The following STT3A variants were observed in gnomAD, a reference collection of about 807,000 sequenced individuals.
The protein encoded by STT3A is dolichyl-diphosphooligosaccharide--protein glycosyltransferase subunit STT3A.
A neutral mutation model predicts 89.2 loss-of-function variants in STT3A; 34 were observed. The observed-to-expected ratio is 0.38, with a 90% CI of 0.29 to 0.51. The LOEUF (loss-of-function observed/expected upper bound fraction) is 0.51, where lower values mean the gene tolerates loss of function less well. STT3A is among the 20% of genes least tolerant of loss of function. The probability of loss-of-function intolerance (pLI) is 0.89; values close to 1 mark genes in which losing one functional copy is unlikely to be tolerated. For synonymous variants in STT3A, 282 were observed against 310.3 expected (o/e 0.91, Z 0.96); for missense variants, 555 against 889.5 (o/e 0.62, Z 4.78).
intron 3 of STT3A, among the ~76,000 whole-genome samples, chr11:125,598,409 A>G (rs1263114502): frequency 6.6e-6 from 1 of 152,186 alleles, no homozygotes; most frequent in African/African-American, 2.4e-5. Flanking sequence ...GGTTCTTGAA[A>G]TATTATTGGT....
intron 16 of STT3A, 38 bp downstream of exon 16, chr11:125,618,599 A>C (rs1351837023): frequency 1.3e-6 from 2 of 1,562,120 alleles, no homozygotes; most frequent in African/African-American, 2.7e-5. Flanking sequence ...CAGTAGTAAT[A>C]ATAGTGATTA....
At chr11:125,592,456 G>A (rs1239035457), upstream of STT3A, 1 of 456,174 alleles carries the variant, frequency 2.2e-6, no homozygotes, top group Non-Finnish European at 4.4e-6. Flanking sequence ...CGCATTCCGA[G>A]TTACTGGGAC....
chr11:125,592,464 G>C (rs924338448), upstream of STT3A: 19 of 456,124 alleles, frequency 4.2e-5, no homozygotes, highest in Middle Eastern at 3.2e-4. Context: ...GAGTTACTGG[G>C]ACTTGGAGCA....
chr11:125,597,485 G>T (rs1200718661), intron 3 of STT3A, among the ~76,000 whole-genome samples: 3 of 151,904 alleles, frequency 2.0e-5, no homozygotes, highest in African/African-American at 7.3e-5. Context: ...CAAAAAATGT[G>T]AGAGGCATTG....
intron 11 of STT3A, among the ~76,000 whole-genome samples, chr11:125,612,217 C>G (rs960603287): frequency 6.6e-6 from 1 of 152,016 alleles, no homozygotes; most frequent in East Asian, 1.9e-4. Context: ...GATTGTAATA[C>G]TAATAACTAA....
At chr11:125,619,166 C>T (rs375299950) in intron 16 of STT3A, among the ~76,000 whole-genome samples, 37 of 152,224 alleles carry the variant, frequency 2.4e-4, no homozygotes, top group African/African-American at 8.7e-4. Context: ...TCTCCTGCCT[C>T]AGCCTCCCGA....
upstream of STT3A, chr11:125,592,341 GA>G (rs1279787761): frequency 2.2e-6 from 1 of 454,552 alleles, no homozygotes; most frequent in Non-Finnish European, 4.4e-6. Flanking sequence ...GTCCGCGTTT[GA>G]GTTTTAATTG....
intron 15 of STT3A, among the ~76,000 whole-genome samples, chr11:125,616,152 G>T (rs1940175171): frequency 6.6e-6 from 1 of 152,174 alleles, no homozygotes; most frequent in African/African-American, 2.4e-5. Context: ...ATCCATGGAG[G>T]ATTGTTTCCA....
rs1940280914 is a variant in STT3A, at chr11:125,619,390, C to G, written c.1964-621C>G. ...TTTTATATATGAGGAAATTGAGGTACAAATAGGTTATTTAACTGCCTAGTG... is the reference window on the plus strand; with the variant it reads ...TTTTATATATGAGGAAATTGAGGTAGAAATAGGTTATTTAACTGCCTAGTG... On this transcript the variant is annotated intron_variant, in intron 16 of 17. Coordinates refer to ENST00000392708, the MANE Select transcript of STT3A (RefSeq NM_152713.5). Among the ~76,000 whole-genome samples the G allele has an allele frequency of 2.0e-5, 3 of 152,032 alleles. No homozygotes were observed. The South Asian group carries it at 6.2e-4, about 32-fold the overall frequency.
At chr11:125,617,370 T>A (rs546556623) in intron 15 of STT3A, among the ~76,000 whole-genome samples, 1 of 152,350 alleles carries the variant, frequency 6.6e-6, no homozygotes, top group Non-Finnish European at 1.5e-5. Context: ...GTCACCCAGC[T>A]AGAATTGGCA....
chr11:125,616,431 G>A (rs1022649070), intron 15 of STT3A, among the ~76,000 whole-genome samples: 1 of 152,126 alleles, frequency 6.6e-6, no homozygotes, highest in African/African-American at 2.4e-5. Flanking sequence ...GAATATTTTT[G>A]ATTAGAGGTT....
At chr11:125,594,598 A>AAC in intron 1 of STT3A, among the ~76,000 whole-genome samples, 1 of 151,742 alleles carries the variant, frequency 6.6e-6, no homozygotes, top group Non-Finnish European at 1.5e-5. Context: ...AAAAAAAAAA[A>AAC]AAAAGATAGT....
upstream of STT3A, chr11:125,592,493 G>C (rs1187599369): frequency 2.2e-6 from 1 of 455,854 alleles, no homozygotes; most frequent in Admixed American, 2.4e-5. Flanking sequence ...TTTCAGCGTA[G>C]TTTCCGCTTC....
chr11:125,616,406 G>GT (rs1011351986), intron 15 of STT3A, among the ~76,000 whole-genome samples: 10 of 152,118 alleles, frequency 6.6e-5, no homozygotes, highest in South Asian at 4.1e-4. Flanking sequence ...GCAGTCATCT[G>GT]TTTTTTTGTT....
intron 5 of STT3A, 78 bp downstream of exon 5, chr11:125,603,026 C>A: frequency 6.5e-7 from 1 of 1,549,322 alleles, no homozygotes; most frequent in Non-Finnish European, 8.8e-7. Context: ...GGGTGGGGGA[C>A]AGAGCCTTAG....
intron 8 of STT3A, 51 bp from the exon 9 acceptor site, chr11:125,608,058 C>A: frequency 6.6e-7 from 1 of 1,525,008 alleles, no homozygotes; most frequent in South Asian, 1.3e-5. Flanking sequence ...CTGCACTGGA[C>A]TTACTCATTT....
chr11:125,596,960 G>C, intron 2 of STT3A, 99 bp from the exon 3 acceptor site: 1 of 1,256,524 alleles, frequency 8.0e-7, no homozygotes, highest in Non-Finnish European at 1.2e-6. Context: ...TATTTTCTGT[G>C]ACCTCTCTAC....
chr11:125,605,286 G>T (rs1591374375), intron 6 of STT3A, among the ~76,000 whole-genome samples: 1 of 152,110 alleles, frequency 6.6e-6, no homozygotes, highest in African/African-American at 2.4e-5. Flanking sequence ...ATAGAGGCAG[G>T]ATGATGAATG....
intron 16 of STT3A, among the ~76,000 whole-genome samples, chr11:125,619,777 G>T (rs1195561472): frequency 6.6e-6 from 1 of 152,170 alleles, no homozygotes; most frequent in Non-Finnish European, 1.5e-5. Context: ...CCCTATGTCT[G>T]TCTTATCAGA....
Sources: allele counts gnomAD v4.1 joint callset (sites outside exome capture counted in the v4.1 genomes callset), GRCh38; gene constraint gnomAD v4.1.1; transcripts MANE v1.5; gene names NCBI Gene and HGNC (gene_info 2026-07-23, HGNC 2026-07-21).